Variants in DNMBP observed in about 807,000 individuals in gnomAD.
The protein encoded by DNMBP is dynamin binding protein, also known as dynamin-binding protein.
In DNMBP, 87 loss-of-function variants were observed where a neutral mutation model predicts 150.0. The ratio of observed to expected loss-of-function variants is 0.58; its 90% CI spans 0.49 to 0.69. The LOEUF is 0.69. Ranked by LOEUF, DNMBP falls within the 30% of genes least tolerant of loss-of-function variation. The pLI is 0.00. For synonymous variants in DNMBP, 711 were observed against 750.4 expected, an observed-to-expected ratio of 0.95 and a Z score of 0.86; for missense variants, 1,774 against 1,949.0, an observed-to-expected ratio of 0.91 and a Z score of 1.69.
chr10:99,921,715 C>T (rs1589419334), intron 4 of DNMBP, among the ~76,000 whole-genome samples: 1 of 149,238 alleles, frequency 6.7e-6, no homozygotes, highest in East Asian at 2.0e-4. Flanking sequence ...AATACAAAAA[C>T]GTAGCTGGGT....
chr10:99,889,172 T>G, intron 11 of DNMBP: 1 of 492,534 alleles, frequency 2.0e-6, no homozygotes, highest in Non-Finnish European at 3.6e-6. Flanking sequence ...ACAAAACTGT[T>G]GAGGGCTTTT....
At chr10:99,964,512 T>C (rs576116445) in intron 3 of DNMBP, among the ~76,000 whole-genome samples, 4 of 150,714 alleles carry the variant, frequency 2.7e-5, no homozygotes. Context: ...TTTTTTAGGA[T>C]AGTCAGGGGC....
At chr10:99,912,652 C>A (rs1225837821) in intron 4 of DNMBP, among the ~76,000 whole-genome samples, 1 of 152,146 alleles carries the variant, frequency 6.6e-6, no homozygotes, top group Non-Finnish European at 1.5e-5. Context: ...CCGGGGTATC[C>A]GCAATTTTAA....
chr10:99,882,328 A>G (rs1262228264), intron 15 of DNMBP, among the ~76,000 whole-genome samples: 1 of 152,260 alleles, frequency 6.6e-6, no homozygotes, highest in African/African-American at 2.4e-5. Flanking sequence ...ATGATAATGT[A>G]TATTTCAAGA....
chr10:99,949,308 C>A (rs1423179362), intron 4 of DNMBP, among the ~76,000 whole-genome samples: 1 of 152,136 alleles, frequency 6.6e-6, no homozygotes, highest in African/African-American at 2.4e-5. Flanking sequence ...ATAGATAAAA[C>A]CTGTCTTCTC....
intron 4 of DNMBP, among the ~76,000 whole-genome samples, chr10:99,944,580 G>A (rs920410648): frequency 7.9e-5 from 12 of 152,040 alleles, no homozygotes; most frequent in Non-Finnish European, 1.6e-4. Context: ...TGAGACCAGC[G>A]AGCACATCTA....
intron 16 of DNMBP, 54 bp downstream of exon 16, chr10:99,879,757 C>A: frequency 1.3e-6 from 2 of 1,597,820 alleles, no homozygotes; most frequent in South Asian, 1.1e-5. Flanking sequence ...CGCTGGTACC[C>A]ACAACACATC....
chr10:99,983,641 G>A (rs145487051), intron 1 of DNMBP, among the ~76,000 whole-genome samples: 3 of 152,208 alleles, frequency 2.0e-5, no homozygotes, highest in Non-Finnish European at 4.4e-5. Flanking sequence ...CCTACCCTGC[G>A]TGCCCCCAGG....
chr10:99,971,327 C>T (rs2040674891), intron 2 of DNMBP, among the ~76,000 whole-genome samples: 1 of 151,614 alleles, frequency 6.6e-6, no homozygotes, highest in Non-Finnish European at 1.5e-5. Flanking sequence ...TCCTTCCTTC[C>T]TTTCTTTCTT....
At chr10:99,987,764 A>G (rs2133373332) in intron 1 of DNMBP, among the ~76,000 whole-genome samples, 1 of 152,192 alleles carries the variant, frequency 6.6e-6, no homozygotes, top group East Asian at 1.9e-4. Flanking sequence ...AGGAGAAAGA[A>G]ACAGGTGGGA....
intron 4 of DNMBP, among the ~76,000 whole-genome samples, chr10:99,910,621 G>C (rs1474688365): frequency 7.0e-6 from 1 of 143,214 alleles, no homozygotes; most frequent in East Asian, 1.9e-4. Context: ...AGGAGGCAGG[G>C]TTCTTTGAAG....
chr10:99,972,362 T>C (rs2040688053), intron 1 of DNMBP, among the ~76,000 whole-genome samples: 1 of 152,196 alleles, frequency 6.6e-6, no homozygotes, highest in Admixed American at 6.5e-5. Flanking sequence ...CTCGACTTCC[T>C]GGGCTCAGGT....
intron 11 of DNMBP, among the ~76,000 whole-genome samples, chr10:99,890,828 G>A (rs1306669908): frequency 1.3e-5 from 2 of 152,086 alleles, no homozygotes; most frequent in Non-Finnish European, 2.9e-5. Context: ...TGTAGTTTTA[G>A]TAGAGACAGG....
At chr10:99,923,908 C>CT (rs1432164331) in intron 4 of DNMBP, among the ~76,000 whole-genome samples, 3 of 1,460 alleles carry the variant, frequency 2.1e-3, no homozygotes, top group South Asian at 0.083. Context: ...AATCCCAGCA[C>CT]TTCGGGGGCC....
rs1412684609 is a variant in DNMBP at position 99,875,788 on chromosome 10, CCCTTT to C, written c.*1358_*1362del. Reference sequence around the variant, plus strand: ...AACAGGGGCTGTAAGGCTATTTCTTCCCTTTCTTTTAAAAGACAAATTTCATGGTT... The same window carrying C: ...AACAGGGGCTGTAAGGCTATTTCTTCCTTTTAAAAGACAAATTTCATGGTT... On this transcript the variant is annotated 3_prime_UTR_variant, in exon 17 of 17. Transcript: ENST00000324109. 3.9e-5 allele frequency: 6 copies of C among 152,282 alleles called. No individual in the cohort carries two copies. In the East Asian group the frequency reaches 1.2e-3, roughly 29 times the overall value. 9.4% of individuals were successfully genotyped at this position (152,282 alleles called of 1,614,324 possible).
intron 4 of DNMBP, among the ~76,000 whole-genome samples, chr10:99,945,517 T>A (rs984510365): frequency 2.6e-5 from 4 of 152,202 alleles, no homozygotes; most frequent in African/African-American, 9.7e-5. Context: ...AAATAAAGAT[T>A]AATAAGCTTA....
chr10:99,952,095 T>A (rs1055465240), intron 4 of DNMBP, among the ~76,000 whole-genome samples: 1 of 152,112 alleles, frequency 6.6e-6, no homozygotes, highest in Non-Finnish European at 1.5e-5. Context: ...AATGGGAGTC[T>A]CCCTACACAA....
At position 99,909,125 on chromosome 10, in the gene DNMBP, T is replaced by C; in HGVS notation, c.2282A>G (p.Gln761Arg). ...QLREMTLLSSQSSSLVAPSGS... is the reference protein window; with the variant it reads ...QLREMTLLSSRSSSLVAPSGS... The stretch of plus-strand genomic sequence containing the variant: ...AGAAGGGGCCACCAGTGATGAAGAC[T>C]GGGAGGAGAGGAGCGTCATTTCTAG... The change falls in exon 5 of 17, where the codon CAG becomes CGG. Residue 761 changes from glutamine (Q) to arginine (R), a missense_variant. Physicochemically the swap from Gln to Arg is conservative, Grantham distance 43 (BLOSUM62 1). Transcript: ENST00000324109. The C allele has an allele frequency of 6.2e-7, 1 of 1,613,852 alleles. No homozygotes were observed. The highest frequency in any genetic ancestry group is 1.7e-5 in the Admixed American group (1 of 59,942).
Position 99,880,073 on chromosome 10 carries a change from C to A in DNMBP, c.4286G>T (p.Ser1429Ile). The change falls in exon 16 of 17, where the codon AGT becomes ATT. Residue 1429 changes from serine (S) to isoleucine (I), a missense_variant. By Grantham distance (142) the Ser-to-Ile change is moderately radical. Around this residue, in one of 2 missense-constraint regions of DNMBP, gnomAD observed 1,430 missense variants for 1,492.5 expected, o/e 0.96. Transcript: ENST00000324109. ...SASLNPSNSE[S>I]SPSRCPSDPD... ...GTCTGAAGGGCATCTGGAAGGACTA[C>A]TCTCTGAATTACTCGGATTTAGGGA... is the stretch of plus-strand genomic sequence containing the variant. The A allele has an allele frequency of 6.2e-7, 1 of 1,614,178 alleles. No homozygotes were observed. Among genetic ancestry groups the A allele is most frequent in the Non-Finnish European group, 8.5e-7 (1 of 1,179,990 alleles).
Sources: allele counts gnomAD v4.1 joint callset (sites outside exome capture counted in the v4.1 genomes callset), GRCh38; gene constraint gnomAD v4.1.1; regional missense constraint gnomAD v4.1.1; transcripts MANE v1.5; gene names NCBI Gene and HGNC (gene_info 2026-07-23, HGNC 2026-07-21).